FUT8: variants seen among roughly 807,000 people sequenced by gnomAD.
The protein encoded by FUT8 is fucosyltransferase 8, also known as alpha-(1,6)-fucosyltransferase.
FUT8 carries 29 observed loss-of-function variants against 71.3 expected under a neutral mutation model. The ratio of observed to expected loss-of-function variants is 0.41; its 90% confidence interval spans 0.30 to 0.55. The LOEUF (loss-of-function observed/expected upper bound fraction) is 0.55. FUT8 is among the 20% of genes least tolerant of loss of function. The pLI is 0.34. For missense variants in FUT8, 544 were observed against 702.1 expected (o/e 0.77, Z 2.55); for synonymous variants, 254 against 239.3 (o/e 1.06, Z -0.57).
At chr14:65,392,591 C>T in the FUT8 span, among the ~76,000 whole-genome samples, 2,533 of 152,178 alleles carry the variant, frequency 0.017, 17 homozygotes, top group South Asian at 0.024. Context: ...TGAAAGAATA[C>T]GAAGAATAAG....
intron 2 of FUT8, among the ~76,000 whole-genome samples, chr14:65,517,700 A>G (rs963167756): frequency 6.6e-6 from 1 of 152,136 alleles, no homozygotes; most frequent in South Asian, 2.1e-4. Context: ...TCCTTCTACC[A>G]AACTGCCACC....
intron 3 of FUT8, among the ~76,000 whole-genome samples, chr14:65,564,791 C>CT (rs1297783068): frequency 3.9e-5 from 6 of 151,984 alleles, no homozygotes; most frequent in African/African-American, 1.4e-4. Context: ...CCTTTTGAGT[C>CT]TGTCTTTTTT....
chr14:65,560,973 GC>G (rs1885886079), intron 2 of FUT8, among the ~76,000 whole-genome samples: 1 of 152,120 alleles, frequency 6.6e-6, no homozygotes, highest in South Asian at 2.1e-4. Flanking sequence ...TGAACATATA[GC>G]CCAAAATATG....
At position 65,472,572 on chromosome 14, in the gene FUT8, A is replaced by C. The variant is rs1040802408; in HGVS notation, c.-228+16854A>C. On this transcript the variant is annotated intron_variant, in intron 2 of 10. Coordinates refer to ENST00000673929, the MANE Select transcript of FUT8 (RefSeq NM_001371533.1). This position sits in a 1 kb window ranked among gnomAD's most constrained non-coding sequence, Gnocchi z 4.4. ...TTATATTCTTATACTGTAAAAAAAA[A>C]AACAACTTTATTTTTATAGCCTTTT... is the stretch of plus-strand genomic sequence containing the variant. Among the ~76,000 whole-genome samples the C allele has an allele frequency of 9.8e-5, 15 of 152,334 alleles. No homozygotes were observed. The highest frequency in any genetic ancestry group is 3.1e-4 in the African/African-American group (13 of 41,570).
chr14:65,617,086 G>A, intron 5 of FUT8: 1 of 1,591,546 alleles, frequency 6.3e-7, no homozygotes, highest in South Asian at 1.2e-5. Context: ...TATGTTTCCA[G>A]TAGGATTCTG....
intron 2 of FUT8, among the ~76,000 whole-genome samples, chr14:65,522,695 T>C (rs373490820): frequency 6.6e-6 from 1 of 151,716 alleles, no homozygotes; most frequent in East Asian, 1.9e-4. Context: ...TTATATTAGG[T>C]GTATCTCCTA....
In FUT8 at chr14:65,677,151, T is replaced by TGCGCGC. The variant is rs1555383259; in HGVS notation, c.835+7676_835+7681dup. On this transcript the variant is annotated intron_variant, in intron 7 of 10. Transcript: ENST00000673929. ...GTGTGTGTGTGTGTGTGTGTGTGTG[T>TGCGCGC]GCGCGCGCGCATGCGCGCGCACGTA... Among the ~76,000 whole-genome samples the TGCGCGC allele has an allele frequency of 1.1e-3, 124 of 110,716 alleles. 2 individuals carry two copies. The highest frequency in any genetic ancestry group is 1.2e-3 in the South Asian group (4 of 3,310). 72.6% of individuals were successfully genotyped at this position (110,716 alleles called of 152,430 possible). A position where few individuals can be genotyped will look rare whatever the true frequency, so the allele number is the denominator to read the frequency against.
Position 65,552,415 on chromosome 14 carries a change from A to T in FUT8, c.-227-8922A>T, listed in dbSNP as rs527383292. Among the ~76,000 whole-genome samples, 4 of 152,312 alleles carry T rather than the reference A, an allele frequency of 2.6e-5. No homozygotes were observed. In the East Asian group the frequency reaches 7.7e-4, roughly 29 times the overall value. Reference sequence around the variant, plus strand: ...TGATTAGTTTTTGAACATATGAGTGAATGGATCATAGTGTTGTATAGATTT... The same window carrying T: ...TGATTAGTTTTTGAACATATGAGTGTATGGATCATAGTGTTGTATAGATTT... On this transcript the variant is annotated intron_variant, in intron 2 of 10. Transcript: ENST00000673929.
intron 8 of FUT8, among the ~76,000 whole-genome samples, 166 bp from the exon 9 acceptor site, chr14:65,723,981 T>C (rs1170462546): frequency 2.6e-5 from 4 of 152,240 alleles, no homozygotes; most frequent in Non-Finnish European, 2.9e-5. Flanking sequence ...AATATGTATT[T>C]TTGAGTTTTT....
Position 65,587,052 on chromosome 14 carries a change from G to A in FUT8, c.203+25286G>A, listed in dbSNP as rs149031101. Among the ~76,000 whole-genome samples, 995 of 152,208 alleles carry A rather than the reference G, an allele frequency of 6.5e-3. 19 individuals are homozygous for A. Among genetic ancestry groups the A allele is most frequent in the African/African-American group, 0.022 (928 of 41,528 alleles). On this transcript the variant is annotated intron_variant, in intron 3 of 10. Transcript: ENST00000673929. ...AAATACAAAAAAGTCAGCCGGGCAT[G>A]GTGGCAGATGCCTGTAGTCCCAGCT...
intron 2 of FUT8, among the ~76,000 whole-genome samples, chr14:65,549,456 A>G (rs2139997416): frequency 6.6e-6 from 1 of 152,128 alleles, no homozygotes; most frequent in African/African-American, 2.4e-5. Flanking sequence ...CCTCTAAATT[A>G]TGGTTTTATT....
At chr14:65,527,449 C>G (rs1264274024) in intron 2 of FUT8, among the ~76,000 whole-genome samples, 16 of 152,116 alleles carry the variant, frequency 1.1e-4, no homozygotes, top group Non-Finnish European at 5.9e-5. Context: ...ACTGGTTATT[C>G]TAGTTAATCC....
At chr14:65,582,915 T>G (rs1441141704) in intron 3 of FUT8, among the ~76,000 whole-genome samples, 1 of 152,242 alleles carries the variant, frequency 6.6e-6, no homozygotes, top group African/African-American at 2.4e-5. Flanking sequence ...TTAGACATGC[T>G]GATCTATGCC....
intron 1 of FUT8, among the ~76,000 whole-genome samples, chr14:65,432,234 T>C (rs377082104): frequency 6.6e-6 from 1 of 152,206 alleles, no homozygotes; most frequent in African/African-American, 2.4e-5. Context: ...TTACCTATTC[T>C]TTTGGCTTTA....
intron 1 of FUT8, among the ~76,000 whole-genome samples, chr14:65,429,168 T>A (rs1391307583): frequency 2.0e-5 from 3 of 152,200 alleles, no homozygotes; most frequent in African/African-American, 7.2e-5. Flanking sequence ...GAGAATTGAA[T>A]CACAGCTGCC....
intron 2 of FUT8, among the ~76,000 whole-genome samples, chr14:65,473,202 G>A (rs1393577100): frequency 1.3e-5 from 2 of 152,092 alleles, no homozygotes; most frequent in Non-Finnish European, 2.9e-5. Flanking sequence ...TTCTCATTGA[G>A]TGAGGTACTG....
intron 1 of FUT8, among the ~76,000 whole-genome samples, chr14:65,439,954 G>GTGTGTACATATATATATATATATA: frequency 1.3e-5 from 1 of 74,984 alleles, no homozygotes; most frequent in East Asian, 6.1e-4. Context: ...GTGTGTGTGT[G>GTGTGTACATATATATATATATATA]TATATATATA....
chr14:65,530,844 T>C (rs1042608891), intron 2 of FUT8, among the ~76,000 whole-genome samples: 13 of 149,752 alleles, frequency 8.7e-5, no homozygotes, highest in Non-Finnish European at 1.2e-4. Flanking sequence ...TCCCTCCCCC[T>C]CTCTTCCTCT....
intron 7 of FUT8, among the ~76,000 whole-genome samples, chr14:65,719,193 T>C (rs1249135364): frequency 6.6e-6 from 1 of 152,176 alleles, no homozygotes; most frequent in East Asian, 1.9e-4. Flanking sequence ...TATTTTCAAA[T>C]AGCCTGTCTT....
Sources: allele counts gnomAD v4.1 joint callset (sites outside exome capture counted in the v4.1 genomes callset), GRCh38; gene constraint gnomAD v4.1.1; non-coding constraint Gnocchi (gnomAD v3.1); transcripts MANE v1.5; gene names NCBI Gene and HGNC (gene_info 2026-07-23, HGNC 2026-07-21).